Variants in BBS9 observed in about 807,000 individuals in gnomAD.
BBS9 encodes Bardet-Biedl syndrome 9.
In BBS9, 89 loss-of-function variants were observed where a neutral mutation model predicts 117.7. The ratio of observed to expected loss-of-function variants is 0.76; its 90% CI spans 0.64 to 0.90. BBS9 has a LOEUF of 0.90. Ranked by LOEUF, BBS9 falls within the 40% of genes least tolerant of loss-of-function variation. The probability of loss-of-function intolerance (pLI) is 0.00; values close to 1 mark genes in which losing one functional copy is unlikely to be tolerated. For missense variants in BBS9, 982 were observed against 1,042.2 expected (o/e 0.94, Z 0.80); for synonymous variants, 379 against 370.9 (o/e 1.02, Z -0.25).
chr7:33,135,229 A>C (rs1259351081), intron 1 of BBS9, among the ~76,000 whole-genome samples: 1 of 152,172 alleles, frequency 6.6e-6, no homozygotes. Context: ...CTGGTGTCAA[A>C]TCTAAGAATC....
chr7:33,131,653 T>C (rs1412439104), intron 1 of BBS9, among the ~76,000 whole-genome samples: 1 of 152,236 alleles, frequency 6.6e-6, no homozygotes, highest in African/African-American at 2.4e-5. Context: ...TGTATGTTTT[T>C]TCCACAGCAT....
chr7:33,572,514 C>G (rs1857979888), intron 21 of BBS9, among the ~76,000 whole-genome samples: 1 of 152,168 alleles, frequency 6.6e-6, no homozygotes, highest in Admixed American at 6.5e-5. Context: ...TGAGGAACCT[C>G]CATACCGTTT....
At chr7:33,227,657 GCTTTTGCATCCTCATAA>G (rs955904541) in intron 5 of BBS9, among the ~76,000 whole-genome samples, 5 of 151,866 alleles carry the variant, frequency 3.3e-5, no homozygotes, top group Admixed American at 3.3e-4. Context: ...TCATTCCTAT[GCTTTTGCATCCTCATAA>G]CTTAGCTCCC....
chr7:33,317,502 A>C (rs576893209), intron 9 of BBS9, among the ~76,000 whole-genome samples: 1 of 151,964 alleles, frequency 6.6e-6, no homozygotes, highest in Non-Finnish European at 1.5e-5. Flanking sequence ...TTTTTAAAGC[A>C]TATTTCTGTT....
In BBS9 at chr7:33,330,517, G is replaced by C. The variant is rs574380601; in HGVS notation, c.1017-5924G>C. ...GATCCCTTCCTTTGTAGCTTCCTCT[G>C]TTGCGTTCTTATAGCAAAAGTTTTC... On this transcript the variant is annotated intron_variant, in intron 9 of 22. Transcript: ENST00000242067. Among the ~76,000 whole-genome samples, 4 of 152,226 alleles carry C rather than the reference G, an allele frequency of 2.6e-5. No homozygotes were observed. In the South Asian group the frequency reaches 8.3e-4, roughly 32 times the overall value.
At chr7:33,461,939 C>T (rs1839520100) in intron 19 of BBS9, among the ~76,000 whole-genome samples, 1 of 151,936 alleles carries the variant, frequency 6.6e-6, no homozygotes, top group Non-Finnish European at 1.5e-5. Context: ...TTTTAGCAAC[C>T]AGCAGTCAGT....
chr7:33,602,802 GT>G (rs1284065826), intron 21 of BBS9, among the ~76,000 whole-genome samples: 3 of 152,160 alleles, frequency 2.0e-5, no homozygotes, highest in Non-Finnish European at 4.4e-5. Context: ...CTTGCTGTGG[GT>G]GTGGAGTCTG....
chr7:33,166,797 C>T (rs1795771173), intron 4 of BBS9, among the ~76,000 whole-genome samples: 1 of 152,210 alleles, frequency 6.6e-6, no homozygotes, highest in Non-Finnish European at 1.5e-5. Context: ...CACGGCTTCC[C>T]TTGGCTAGGA....
chr7:33,573,881 C>T (rs1272459293), intron 21 of BBS9, among the ~76,000 whole-genome samples: 1 of 152,042 alleles, frequency 6.6e-6, no homozygotes, highest in African/African-American at 2.4e-5. Flanking sequence ...TAGTTGTTCC[C>T]ATTTCACATG....
intron 21 of BBS9, among the ~76,000 whole-genome samples, chr7:33,565,560 G>A (rs575331555): frequency 6.6e-6 from 1 of 151,442 alleles, no homozygotes; most frequent in African/African-American, 2.4e-5. Flanking sequence ...TGTTTTCCAG[G>A]GTGCATGATG....
intron 1 of BBS9, among the ~76,000 whole-genome samples, chr7:33,137,328 C>A (rs1790663898): frequency 6.6e-6 from 1 of 152,066 alleles, no homozygotes; most frequent in African/African-American, 2.4e-5. Flanking sequence ...CTTCCCGGGC[C>A]CCCGACAGTG....
chr7:33,612,132 A>C (rs933029906), intron 21 of BBS9, among the ~76,000 whole-genome samples: 1 of 116,242 alleles, frequency 8.6e-6, no homozygotes, highest in African/African-American at 6.9e-5. Context: ...ATTACTTTAG[A>C]TCTCTAGTCG....
At chr7:33,461,119 GT>G (rs1245059786) in intron 19 of BBS9, among the ~76,000 whole-genome samples, 1 of 151,826 alleles carries the variant, frequency 6.6e-6, no homozygotes, top group African/African-American at 2.4e-5. Context: ...ACCATGCTTT[GT>G]TTTTCCACTC....
chr7:33,197,642 A>T (rs1205574852), intron 5 of BBS9, among the ~76,000 whole-genome samples: 3 of 151,984 alleles, frequency 2.0e-5, no homozygotes, highest in Admixed American at 1.3e-4. Flanking sequence ...GATATACTAG[A>T]TATATAAAAT....
intron 5 of BBS9, among the ~76,000 whole-genome samples, chr7:33,245,016 G>T (rs1256192043): frequency 6.6e-6 from 1 of 152,020 alleles, no homozygotes; most frequent in Non-Finnish European, 1.5e-5. Context: ...GTATTGAAAA[G>T]AAAAAGACTT....
intron 4 of BBS9, among the ~76,000 whole-genome samples, chr7:33,165,651 G>T (rs902810148): frequency 6.6e-6 from 1 of 151,942 alleles, no homozygotes; most frequent in Non-Finnish European, 1.5e-5. Context: ...CATGTGTCTT[G>T]TAGTTCTTGT....
In BBS9 at chr7:33,489,082, T is replaced by C. The variant is rs1484510528; in HGVS notation, c.2116-16381T>C. ...ATCTTGGCTCACTGCAACCTCCGCC[T>C]CCTGGATTCAAGCAATTCTCCTGCC... On this transcript the variant is annotated intron_variant, in intron 19 of 22. Transcript: ENST00000242067. 5.6e-5 allele frequency among the ~76,000 whole-genome samples: 8 copies of C among 143,346 alleles called. No individual in the cohort carries two copies. In the South Asian group the frequency reaches 1.8e-3, roughly 33 times the overall value. 94.0% of individuals were successfully genotyped at this position (143,346 alleles called of 152,430 possible). A position where few individuals can be genotyped will look rare whatever the true frequency, so the allele number is the denominator to read the frequency against.
chr7:33,252,040 G>A (rs993212761), intron 5 of BBS9, among the ~76,000 whole-genome samples: 2 of 152,088 alleles, frequency 1.3e-5, no homozygotes, highest in African/African-American at 4.8e-5. Flanking sequence ...TTGGCTTCTG[G>A]GGAGGCCTCA....
At chr7:33,517,554 G>A (rs181847571) in intron 20 of BBS9, among the ~76,000 whole-genome samples, 12 of 152,244 alleles carry the variant, frequency 7.9e-5, no homozygotes, top group East Asian at 7.7e-4. Flanking sequence ...ACCCGTTGCC[G>A]CTCAACAGCA....
Sources: gnomAD v4.1 joint callset for allele counts (sites outside exome capture counted in the v4.1 genomes callset) on GRCh38, gnomAD v4.1.1 for gene constraint, MANE v1.5 for transcripts, NCBI Gene and HGNC (gene_info 2026-07-23, HGNC 2026-07-21) for gene names.